Variants in PZP observed in about 807,000 individuals in gnomAD.
PZP encodes PZP alpha-2-macroglobulin like.
In PZP, 150 loss-of-function variants were observed where a neutral mutation model predicts 179.8. The ratio of observed to expected loss-of-function variants is 0.83; its 90% confidence interval spans 0.73 to 0.96. The LOEUF (loss-of-function observed/expected upper bound fraction) is 0.96, where lower values mean the gene tolerates loss of function less well. Among genes scored for constraint, PZP ranks in the 40% least tolerant of loss-of-function variants. PZP has a pLI of 0.00. For missense variants in PZP, 1,689 were observed against 1,764.0 expected, an observed-to-expected ratio of 0.96 and a Z score of 0.76; for synonymous variants, 624 against 652.3, an observed-to-expected ratio of 0.96 and a Z score of 0.66.
chr12:9,141,955 T>C, the PZP span, among the ~76,000 whole-genome samples: 1 of 152,208 alleles, frequency 6.6e-6, no homozygotes, highest in Admixed American at 6.5e-5. Context: ...TTATAAAGCA[T>C]TCAGGAGTCC....
In PZP at chr12:9,159,891, A is replaced by C. The variant is rs112575124; in HGVS notation, c.3137+47T>G. The C allele has an allele frequency of 3.4e-6, 5 of 1,479,372 alleles. No individual in the cohort carries two copies. In the Admixed American group the frequency reaches 8.4e-5, roughly 25 times the overall value. The allele number at this position is 1,479,372 out of a possible 1,614,324, so 91.6% of individuals were successfully genotyped here. Reference sequence around the variant, plus strand: ...GGACTAAGACAGGTAATCTATGTGCACGTTCTGAACTCATAGTTGAAACTC... The same window carrying C: ...GGACTAAGACAGGTAATCTATGTGCCCGTTCTGAACTCATAGTTGAAACTC... On this transcript the variant is annotated intron_variant, in intron 25 of 35. Coordinates refer to ENST00000261336, the MANE Select transcript of PZP (RefSeq NM_002864.3).
chr12:9,194,376 C>T (rs1400033155), intron 10 of PZP, 138 bp from the exon 11 acceptor site: 8 of 677,140 alleles, frequency 1.2e-5, no homozygotes, highest in Admixed American at 3.0e-5. Flanking sequence ...TTCATATTTA[C>T]GACAAAATGT....
Position 9,177,933 on chromosome 12 carries a change from A to G in PZP, c.1839+3050T>C, listed in dbSNP as rs572598546. Among the ~76,000 whole-genome samples the G allele has an allele frequency of 3.4e-4, 52 of 152,334 alleles. No individual in the cohort carries two copies. The South Asian group carries it at 1.0e-2, about 29-fold the overall frequency. The stretch of plus-strand genomic sequence containing the variant: ...AACAGAGAGTGTAAAAATATCAGGC[A>G]TATTACCAAAGAAAGCACTCAGAGA... On this transcript the variant is annotated intron_variant, in intron 15 of 35. Coordinates refer to ENST00000261336, the MANE Select transcript of PZP (RefSeq NM_002864.3).
At chr12:9,148,752 A>G, downstream of PZP, 1 of 494,546 alleles carries the variant, frequency 2.0e-6, no homozygotes, top group Non-Finnish European at 3.5e-6. Flanking sequence ...TTAGAATCCA[A>G]CCTTTGCACC....
intron 25 of PZP, among the ~76,000 whole-genome samples, chr12:9,159,340 GT>G (rs1691274990): frequency 2.0e-5 from 3 of 152,104 alleles, no homozygotes; most frequent in Admixed American, 2.0e-4. Flanking sequence ...CACTGAATAT[GT>G]TTTCTCCTCT....
At chr12:9,169,707 T>C in intron 15 of PZP, 116 bp from the exon 16 acceptor site, 2 of 986,186 alleles carry the variant, frequency 2.0e-6, no homozygotes, top group South Asian at 4.9e-5. Flanking sequence ...GTTCATGTAG[T>C]TGGTACCTTA....
chr12:9,177,850 G>A (rs1329746677), intron 15 of PZP, among the ~76,000 whole-genome samples: 1 of 152,112 alleles, frequency 6.6e-6, no homozygotes, highest in East Asian at 1.9e-4. Flanking sequence ...ACTGTTGAAA[G>A]GTAGACTAAA....
chr12:9,155,156 C>T (rs150689226), intron 28 of PZP, among the ~76,000 whole-genome samples: 165 of 152,306 alleles, frequency 1.1e-3, no homozygotes, highest in African/African-American at 3.9e-3. Context: ...GTGATATTTT[C>T]TGAGAATTGC....
At chr12:9,160,784 G>A (rs989335846) in intron 23 of PZP, among the ~76,000 whole-genome samples, 8 of 151,984 alleles carry the variant, frequency 5.3e-5, no homozygotes, top group African/African-American at 1.9e-4. Context: ...GCGTGGTGGC[G>A]GGCGCCTGTA....
At chr12:9,196,278 G>T in intron 10 of PZP, 52 bp downstream of exon 10, 1 of 1,282,454 alleles carries the variant, frequency 7.8e-7, no homozygotes, top group Non-Finnish European at 1.1e-6. Context: ...TGTGTCCTGT[G>T]CTTAGGTGCA....
At chr12:9,180,830 C>T (rs1942711002) in intron 15 of PZP, among the ~76,000 whole-genome samples, 153 bp downstream of exon 15, 1 of 152,158 alleles carries the variant, frequency 6.6e-6, no homozygotes, top group Admixed American at 6.5e-5. Flanking sequence ...AGCTTCTGCA[C>T]AGCAAAAGAA....
chr12:9,181,151 A>G lies in PZP; in HGVS notation c.1690-19T>C. ...AATCCACCTGTGGGAAATGAAGGAA[A>G]CGTCAACCAGTGTTTTCCCTACTTC... On this transcript the variant is annotated intron_variant, in intron 14 of 35. Transcript: ENST00000261336. 6.2e-7 allele frequency: 1 copy of G among 1,613,906 alleles called. No homozygotes were observed. Among genetic ancestry groups the G allele is most frequent in the Non-Finnish European group, 8.5e-7 (1 of 1,179,906 alleles).
chr12:9,163,572 T>G (rs756727594), intron 21 of PZP, 96 bp downstream of exon 21: 1 of 1,359,590 alleles, frequency 7.4e-7, no homozygotes, highest in Admixed American at 2.1e-5. Flanking sequence ...CAGGATGTAT[T>G]GTGTGAGCAT....
intron 13 of PZP, among the ~76,000 whole-genome samples, chr12:9,183,429 T>G (rs765633049): frequency 1.3e-5 from 2 of 152,146 alleles, no homozygotes; most frequent in Non-Finnish European, 2.9e-5. Flanking sequence ...AGACAGGGTC[T>G]TGCTCTGTTG....
At position 9,158,418 on chromosome 12, in the gene PZP, A is replaced by G; in HGVS notation, c.3294+2T>C. On this transcript the variant is annotated splice_donor_variant, in intron 26 of 35. Coordinates refer to ENST00000261336, the MANE Select transcript of PZP (RefSeq NM_002864.3). LOFTEE classifies it high-confidence loss of function. ...GGCTCAGAAGTTTGTGGAACAGTTCACCTTTATGGCATTGTTGAGCAGTGA... is the reference window on the plus strand; with the variant it reads ...GGCTCAGAAGTTTGTGGAACAGTTCGCCTTTATGGCATTGTTGAGCAGTGA... 2.5e-6 allele frequency: 4 copies of G among 1,613,950 alleles called. No individual in the cohort carries two copies. The highest frequency in any genetic ancestry group is 3.4e-6 in the Non-Finnish European group (4 of 1,179,968).
intron 16 of PZP, 69 bp downstream of exon 16, chr12:9,169,361 T>C (rs1941821656): frequency 7.3e-7 from 1 of 1,369,948 alleles, no homozygotes; most frequent in African/African-American, 1.5e-5. Flanking sequence ...AGATTATGAA[T>C]AGATACAGAG....
In PZP at chr12:9,159,895, T is replaced by C. The variant is rs759189584; in HGVS notation, c.3137+43A>G. 4 of 1,516,210 alleles carry C rather than the reference T, an allele frequency of 2.6e-6. No individual in the cohort carries two copies. In the East Asian group the frequency reaches 9.0e-5, roughly 34 times the overall value. 93.9% of individuals were successfully genotyped at this position (1,516,210 alleles called of 1,614,324 possible). A position where few individuals can be genotyped will look rare whatever the true frequency, so the allele number is the denominator to read the frequency against. ...TAAGACAGGTAATCTATGTGCACGTTCTGAACTCATAGTTGAAACTCAGAA... is the reference window on the plus strand; with the variant it reads ...TAAGACAGGTAATCTATGTGCACGTCCTGAACTCATAGTTGAAACTCAGAA... On this transcript the variant is annotated intron_variant, in intron 25 of 35. Transcript: ENST00000261336.
intron 9 of PZP, 49 bp from the exon 10 acceptor site, chr12:9,196,488 A>G: frequency 2.5e-6 from 4 of 1,576,082 alleles, no homozygotes; most frequent in Non-Finnish European, 2.6e-6. Flanking sequence ...TTAGTCATAA[A>G]ATTTCTTTCT....
At chr12:9,148,510 T>G (rs1940127074), downstream of PZP, among the ~76,000 whole-genome samples, 1 of 152,168 alleles carries the variant, frequency 6.6e-6, no homozygotes, top group Admixed American at 6.5e-5. Context: ...GCACTTTAAT[T>G]ATCAATTCTC....
Sources: gnomAD v4.1 joint callset for allele counts (sites outside exome capture counted in the v4.1 genomes callset) on GRCh38, gnomAD v4.1.1 for gene constraint, MANE v1.5 for transcripts, NCBI Gene and HGNC (gene_info 2026-07-23, HGNC 2026-07-21) for gene names.